Variants in CTSE observed in about 807,000 individuals in gnomAD.
CTSE encodes cathepsin E.
CTSE carries 43 observed loss-of-function variants against 42.8 expected under a neutral mutation model. That is an observed-to-expected ratio of 1.01 (90% CI 0.79 to 1.30). CTSE has a LOEUF of 1.30. Among genes scored for constraint, CTSE ranks in the 50% most tolerant of loss-of-function variants. CTSE has a pLI of 0.00. For missense variants in CTSE, 532 were observed against 493.5 expected, an observed-to-expected ratio of 1.08 and a Z score of -0.74; for synonymous variants, 205 against 191.5, an observed-to-expected ratio of 1.07 and a Z score of -0.58.
chr1:206,015,980 T>C lies in CTSE; in HGVS notation c.613A>G (p.Met205Val), dbSNP rs1553277649. ...GGVTPVFDNM[M>V]AQNLVDLPMF... ...GGCAAGTCCACCAGGTTCTGAGCCATCATGTTGTCAAATACTGGAGTCACT... is the reference window on the plus strand; with the variant it reads ...GGCAAGTCCACCAGGTTCTGAGCCACCATGTTGTCAAATACTGGAGTCACT... Residue 205 changes from methionine to valine, a missense_variant, in exon 5 of 9, where the codon ATG becomes GTG. Physicochemically the swap from Met to Val is conservative, Grantham distance 21. Coordinates refer to ENST00000358184, the MANE Select transcript of CTSE (RefSeq NM_001910.4). The C allele has an allele frequency of 1.2e-6, 2 of 1,613,878 alleles. No homozygotes were observed. The highest frequency in any genetic ancestry group is 1.7e-6 in the Non-Finnish European group (2 of 1,179,906).
At chr1:206,017,152 A>C (rs1661285361) in intron 4 of CTSE, among the ~76,000 whole-genome samples, 1 of 152,050 alleles carries the variant, frequency 6.6e-6, no homozygotes, top group African/African-American at 2.4e-5. Flanking sequence ...GTTCTCGCAC[A>C]TTTTTTGTTA....
chr1:206,018,267 G>A (rs1035393195), intron 4 of CTSE, among the ~76,000 whole-genome samples: 2 of 151,890 alleles, frequency 1.3e-5, no homozygotes, highest in Admixed American at 1.3e-4. Context: ...TAAATTCCTG[G>A]AAAGATGACC....
intron 1 of CTSE, 24 bp downstream of exon 1, chr1:206,023,700 C>T (rs781912590): frequency 2.7e-5 from 43 of 1,609,874 alleles, no homozygotes; most frequent in Non-Finnish European, 2.7e-5. Flanking sequence ...CCCAGCTGAA[C>T]ACAGTGCGGG....
intron 6 of CTSE, among the ~76,000 whole-genome samples, chr1:206,012,945 C>T (rs533850475): frequency 1.1e-4 from 17 of 152,176 alleles, no homozygotes; most frequent in South Asian, 4.1e-4. Flanking sequence ...CCACCTGCCT[C>T]GGCCTCCCAA....
intron 4 of CTSE, among the ~76,000 whole-genome samples, chr1:206,020,008 G>A (rs777757037): frequency 7.1e-6 from 1 of 141,400 alleles, no homozygotes; most frequent in Admixed American, 7.2e-5. Context: ...TTAATGTAAT[G>A]TATTACATAT....
At chr1:206,021,850 G>A (rs1280584268) in intron 3 of CTSE, among the ~76,000 whole-genome samples, 5 of 152,050 alleles carry the variant, frequency 3.3e-5, no homozygotes, top group Non-Finnish European at 5.9e-5. Context: ...TCCTTTGGGT[G>A]TTCCAAAGGA....
At position 206,022,886 on chromosome 1, in the gene CTSE, C is replaced by G. The variant is rs782743290; in HGVS notation, c.225+15G>C. 43 of 1,557,992 alleles carry G rather than the reference C, an allele frequency of 2.8e-5. No individual in the cohort carries two copies. The highest frequency in any genetic ancestry group is 3.5e-5 in the Non-Finnish European group (40 of 1,147,710). On this transcript the variant is annotated intron_variant, in intron 2 of 8. Coordinates refer to ENST00000358184, the MANE Select transcript of CTSE (RefSeq NM_001910.4). Reference sequence around the variant, plus strand: ...GCTCCCACCTCTCCCCAGCCCTGACCCCAGGAGGCCTCACATCCAAGTAGT... The same window carrying G: ...GCTCCCACCTCTCCCCAGCCCTGACGCCAGGAGGCCTCACATCCAAGTAGT...
chr1:206,009,865 G>A lies in CTSE; in HGVS notation c.*318C>T. ...ATTTATTATACCATGATCTCTGCTTGTGCATATGTTTGGAGATTTTCATAA... is the reference window on the plus strand; with the variant it reads ...ATTTATTATACCATGATCTCTGCTTATGCATATGTTTGGAGATTTTCATAA... On this transcript the variant is annotated 3_prime_UTR_variant, in exon 9 of 9. Coordinates refer to ENST00000358184, the MANE Select transcript of CTSE (RefSeq NM_001910.4). The A allele has an allele frequency of 2.7e-6, 1 of 367,090 alleles. No individual in the cohort carries two copies. 22.7% of individuals were successfully genotyped at this position (367,090 alleles called of 1,614,324 possible).
At position 206,010,262 on chromosome 1, in the gene CTSE, C is replaced by G; in HGVS notation, c.1112G>C (p.Gly371Ala). The stretch of plus-strand genomic sequence containing the variant: ...GTAAAACTGTCGAATGAAGACATCC[C>G]CCAGGATCCAGAGGGGCCCAGCTGG... The part of the protein sequence containing the change: ...HPPAGPLWIL[G>A]DVFIRQFYSV... The change falls in exon 9 of 9, where the codon GGG becomes GCG. Residue 371 changes from glycine (G) to alanine (A), a missense_variant. Transcript: ENST00000358184. The G allele has an allele frequency of 6.2e-7, 1 of 1,613,784 alleles. No homozygotes were observed. Among genetic ancestry groups the G allele is most frequent in the Non-Finnish European group, 8.5e-7 (1 of 1,179,798 alleles).
chr1:206,012,038 A>G (rs1661114179), intron 8 of CTSE, among the ~76,000 whole-genome samples: 1 of 152,116 alleles, frequency 6.6e-6, no homozygotes, highest in Non-Finnish European at 1.5e-5. Context: ...GTCAGTGGAA[A>G]AGCCCTACAT....
Position 206,010,201 on chromosome 1 carries a change from C to T in CTSE, c.1173G>A (p.Leu391=). The change falls in exon 9 of 9, where the codon CTG becomes CTA. Residue 391 remains leucine (L), a synonymous_variant. Transcript: ENST00000358184. ...VFDRGNNRVG[L]APAVP ...CCCCTCCTTAGGGGACTGCTGGGGC[C>T]AGTCCCACACGGTTATTCCCACGGT... 3 of 1,613,764 alleles carry T rather than the reference C, an allele frequency of 1.9e-6. No individual in the cohort carries two copies. The South Asian group carries it at 3.3e-5, about 18-fold the overall frequency.
intron 1 of CTSE, among the ~76,000 whole-genome samples, chr1:206,023,483 G>C (rs797034116): frequency 3.3e-5 from 5 of 152,070 alleles, no homozygotes; most frequent in African/African-American, 1.2e-4. Flanking sequence ...TGCAACACAA[G>C]AAGACCCCTG....
At chr1:206,020,907 G>T in intron 4 of CTSE, 142 bp downstream of exon 4, 1 of 645,992 alleles carries the variant, frequency 1.5e-6, no homozygotes, top group Admixed American at 2.4e-5. Context: ...CTCAGGTGGG[G>T]AGTGTTGCTT....
Position 206,011,613 on chromosome 1 carries a change from T to C in CTSE, c.1026+695A>G, listed in dbSNP as rs140676069. Among the ~76,000 whole-genome samples, 677 of 152,152 alleles carry C rather than the reference T, an allele frequency of 4.4e-3. 3 individuals are homozygous for C. Among genetic ancestry groups the C allele is most frequent in the Middle Eastern group, 6.8e-3 (2 of 294 alleles). On this transcript the variant is annotated intron_variant, in intron 8 of 8. Transcript: ENST00000358184. ...GAAGGAGTTAATAGAGGCTTAGGGG[T>C]AGGGCTGAAGCCCTCAGTCTATACC... is the stretch of plus-strand genomic sequence containing the variant.
chr1:206,021,285 G>A (rs535336416), intron 3 of CTSE, 118 bp from the exon 4 acceptor site: 1 of 759,118 alleles, frequency 1.3e-6, no homozygotes, highest in East Asian at 2.5e-5. Flanking sequence ...ACACTGAGTG[G>A]GGGCCCCTAG....
chr1:206,013,099 A>G (rs1553277286), intron 6 of CTSE, among the ~76,000 whole-genome samples: 1 of 140,402 alleles, frequency 7.1e-6, no homozygotes, highest in African/African-American at 3.0e-5. Flanking sequence ...TATTTTTTGC[A>G]TTCCTAATGC....
Position 206,021,447 on chromosome 1 carries a change from G to A in CTSE, c.344-280C>T, listed in dbSNP as rs1347656787. The A allele has an allele frequency of 7.9e-5, 28 of 356,472 alleles. No homozygotes were observed. The East Asian group carries it at 1.1e-3, about 14-fold the overall frequency. 22.1% of individuals were successfully genotyped at this position (356,472 alleles called of 1,614,324 possible). ...CCAAGATAAGTGTCATTTATCAGGC[G>A]CCAGCCACAGTCCCTGCCACCCATT... On this transcript the variant is annotated intron_variant, in intron 3 of 8. Coordinates refer to ENST00000358184, the MANE Select transcript of CTSE (RefSeq NM_001910.4).
intron 2 of CTSE, 95 bp from the exon 3 acceptor site, chr1:206,022,362 G>T: frequency 1.2e-6 from 1 of 807,354 alleles, no homozygotes. Flanking sequence ...AGGGGCCAGA[G>T]CCTGGGGTAA....
intron 6 of CTSE, 65 bp downstream of exon 6, chr1:206,013,707 G>T: frequency 1.3e-6 from 2 of 1,567,648 alleles, no homozygotes; most frequent in South Asian, 2.3e-5. Flanking sequence ...CAGTTAAATC[G>T]GTTTGAGTTG....
Sources: allele counts gnomAD v4.1 joint callset (sites outside exome capture counted in the v4.1 genomes callset), GRCh38; gene constraint gnomAD v4.1.1; transcripts MANE v1.5; gene names NCBI Gene and HGNC (gene_info 2026-07-23, HGNC 2026-07-21).